Variants in STYK1 observed in about 807,000 individuals in gnomAD.
The protein encoded by STYK1 is tyrosine-protein kinase STYK1.
A neutral mutation model predicts 48.1 loss-of-function variants in STYK1; 46 were observed. That is an observed-to-expected ratio of 0.96 (90% CI 0.75 to 1.22). The LOEUF (loss-of-function observed/expected upper bound fraction) is 1.22, where lower values mean the gene tolerates loss of function less well. Among genes scored for constraint, STYK1 ranks in the 50% most tolerant of loss-of-function variants. The pLI is 0.00. For synonymous variants in STYK1, 188 were observed against 189.0 expected (o/e 0.99, Z 0.04); for missense variants, 527 against 521.1 (o/e 1.01, Z -0.11).
At chr12:10,640,840 C>G (rs1947535595) in intron 1 of STYK1, 1 of 152,164 alleles carries the variant, frequency 6.6e-6, no homozygotes. Context: ...AAGACAGGCC[C>G]CATAACATCT....
intron 1 of STYK1, among the ~76,000 whole-genome samples, chr12:10,650,601 G>A (rs536016385): frequency 9.9e-5 from 15 of 152,282 alleles, no homozygotes; most frequent in African/African-American, 3.4e-4. Flanking sequence ...TAGCATAAAT[G>A]TAGCTAAAAT....
intron 5 of STYK1, 150 bp downstream of exon 5, chr12:10,630,895 A>G: frequency 9.7e-7 from 1 of 1,029,546 alleles, no homozygotes; most frequent in Non-Finnish European, 1.4e-6. Flanking sequence ...AGACACCAAG[A>G]AAAACATTTC....
At chr12:10,670,904 T>C (rs1019992531) in intron 1 of STYK1, among the ~76,000 whole-genome samples, 2 of 149,652 alleles carry the variant, frequency 1.3e-5, no homozygotes, top group Non-Finnish European at 3.0e-5. Flanking sequence ...AAATAAAGAA[T>C]ACCCAGTTGG....
At chr12:10,632,223 G>C (rs111751105) in intron 4 of STYK1, among the ~76,000 whole-genome samples, 2 of 151,822 alleles carry the variant, frequency 1.3e-5, no homozygotes, top group African/African-American at 4.8e-5. Context: ...AAAAAAAGGT[G>C]GTGGGGAGAA....
intron 1 of STYK1, among the ~76,000 whole-genome samples, chr12:10,646,719 T>C (rs2125086): frequency 0.98 from 149,781 of 152,308 alleles, 73,691 homozygotes; most frequent in East Asian, 1. Context: ...GCAGCCCCTC[T>C]GATCACAGGC....
intron 1 of STYK1, among the ~76,000 whole-genome samples, chr12:10,669,940 T>C (rs577529631): frequency 1.3e-5 from 2 of 152,174 alleles, no homozygotes; most frequent in Non-Finnish European, 2.9e-5. Context: ...TATTACCTCA[T>C]ACCTGTTAGA....
intron 1 of STYK1, among the ~76,000 whole-genome samples, chr12:10,653,267 G>A (rs146988205): frequency 0.03 from 4,547 of 151,688 alleles, 98 homozygotes; most frequent in Non-Finnish European, 0.04. Context: ...TAGTAGGGAC[G>A]GGGTTTCACC....
intron 10 of STYK1, among the ~76,000 whole-genome samples, chr12:10,620,961 A>AT (rs113385086): frequency 0.037 from 5,617 of 152,128 alleles, 363 homozygotes; most frequent in African/African-American, 0.13. Context: ...ATTTTTTTCT[A>AT]TTGTACCTAG....
Position 10,622,657 on chromosome 12 carries a change from G to T in STYK1, c.948C>A (p.Leu316=). ...CCTTACCTAGAGTCACCATCTCATA[G>T]AGCAGGATCCCAAAAGACCAGCTGT... is the stretch of plus-strand genomic sequence containing the variant. ...RADVWSFGIL[L]YEMVTLGAPP... is the part of the protein sequence containing the mutation. The change falls in exon 9 of 11, where the codon CTC becomes CTA. Residue 316 remains leucine (L), a synonymous_variant. Coordinates refer to ENST00000075503, the MANE Select transcript of STYK1 (RefSeq NM_018423.3). 1 of 1,613,970 alleles carries T rather than the reference G, an allele frequency of 6.2e-7. No homozygotes were observed. The highest frequency in any genetic ancestry group is 1.1e-5 in the South Asian group (1 of 91,066).
At position 10,624,859 on chromosome 12, in the gene STYK1, C is replaced by G; in HGVS notation, c.718G>C (p.Glu240Gln). 1 of 1,613,964 alleles carries G rather than the reference C, an allele frequency of 6.2e-7. No individual in the cohort carries two copies. Among genetic ancestry groups the G allele is most frequent in the South Asian group, 1.1e-5 (1 of 91,080 alleles). ...HIGKQVLLALEFLQEKHLFHG... is the reference protein window; with the variant it reads ...HIGKQVLLALQFLQEKHLFHG... ...AACAAATGCTTCTCCTGCAGGAATT[C>G]CTGTCAAGATAAAATCAAATATGAT... is the stretch of plus-strand genomic sequence containing the variant. Residue 240 changes from glutamate (E) to glutamine (Q), a missense_variant and splice_region_variant, in exon 8 of 11, where the codon GAA (glutamate) becomes CAA (glutamine). By Grantham distance (29) the Glu-to-Gln change is conservative (BLOSUM62 2). Coordinates refer to ENST00000075503, the MANE Select transcript of STYK1 (RefSeq NM_018423.3).
At chr12:10,641,825 C>T (rs7957167) in intron 1 of STYK1, among the ~76,000 whole-genome samples, 2,453 of 152,260 alleles carry the variant, frequency 0.016, 62 homozygotes, top group African/African-American at 0.057. Flanking sequence ...GGCAGTTTCC[C>T]CTCCCTAGGG....
At position 10,635,239 on chromosome 12, in the gene STYK1, A is replaced by G. The variant is rs187671116; in HGVS notation, c.-68-553T>C. Among the ~76,000 whole-genome samples the G allele has an allele frequency of 7.4e-3, 1,124 of 151,950 alleles. 12 individuals are homozygous for G. Among genetic ancestry groups the G allele is most frequent in the African/African-American group, 0.025 (1,048 of 41,532 alleles). Reference sequence around the variant, plus strand: ...GGGCTCAATTAATCCTCCTGCCTCAATCCCCTGAGTCTCTGGAATTACAGG... The same window carrying G: ...GGGCTCAATTAATCCTCCTGCCTCAGTCCCCTGAGTCTCTGGAATTACAGG... On this transcript the variant is annotated intron_variant, in intron 2 of 10. Coordinates refer to ENST00000075503, the MANE Select transcript of STYK1 (RefSeq NM_018423.3).
intron 1 of STYK1, among the ~76,000 whole-genome samples, chr12:10,644,701 A>G (rs1031357185): frequency 1.3e-5 from 2 of 152,218 alleles, no homozygotes; most frequent in African/African-American, 2.4e-5. Context: ...AACCAACAGG[A>G]CACAGTGGTT....
At chr12:10,661,393 A>C (rs1286529545) in intron 1 of STYK1, among the ~76,000 whole-genome samples, 1 of 152,166 alleles carries the variant, frequency 6.6e-6, no homozygotes, top group African/African-American at 2.4e-5. Context: ...CTCCTCTTGC[A>C]CAAAACCCAG....
chr12:10,621,801 T>C, intron 10 of STYK1, 75 bp downstream of exon 10: 1 of 1,419,760 alleles, frequency 7.0e-7, no homozygotes, highest in East Asian at 2.3e-5. Context: ...CTGAGCCCTT[T>C]GAAAAGGGCA....
intron 1 of STYK1, among the ~76,000 whole-genome samples, chr12:10,668,614 C>T (rs769574935): frequency 2.2e-5 from 3 of 134,990 alleles, no homozygotes; most frequent in South Asian, 2.3e-4. Context: ...AAGCTGCTCT[C>T]GAACTCCTGA....
intron 1 of STYK1, among the ~76,000 whole-genome samples, chr12:10,671,139 C>G (rs950123191): frequency 6.6e-6 from 1 of 151,576 alleles, no homozygotes; most frequent in African/African-American, 2.4e-5. Context: ...GGACTACAGG[C>G]GCCCGCCACC....
At chr12:10,626,254 T>C (rs1947357650) in intron 7 of STYK1, among the ~76,000 whole-genome samples, 1 of 152,216 alleles carries the variant, frequency 6.6e-6, no homozygotes, top group African/African-American at 2.4e-5. Context: ...CATAGGGTCC[T>C]GATGAATGCA....
At chr12:10,643,223 G>A (rs1269065070) in intron 1 of STYK1, among the ~76,000 whole-genome samples, 1 of 152,152 alleles carries the variant, frequency 6.6e-6, no homozygotes, top group African/African-American at 2.4e-5. Context: ...TCCTAAGTGA[G>A]ATTGAAATTT....
Sources: gnomAD v4.1 joint callset for allele counts (sites outside exome capture counted in the v4.1 genomes callset) on GRCh38, gnomAD v4.1.1 for gene constraint, MANE v1.5 for transcripts, NCBI Gene and HGNC (gene_info 2026-07-23, HGNC 2026-07-21) for gene names.